Variants in UNC93A observed in about 807,000 individuals in gnomAD.
UNC93A encodes the protein N-acetylglucosamine transporter UNC93A.
A neutral mutation model predicts 47.5 loss-of-function variants in UNC93A; 43 were observed. The ratio of observed to expected loss-of-function variants is 0.91; its 90% CI spans 0.71 to 1.17. The LOEUF (loss-of-function observed/expected upper bound fraction) is 1.17, where lower values mean the gene tolerates loss of function less well. Among genes scored for constraint, UNC93A ranks in the 50% most tolerant of loss-of-function variants. The pLI is 0.00. For synonymous variants in UNC93A, 280 were observed against 258.0 expected (o/e 1.09, Z -0.82); for missense variants, 605 against 577.6 (o/e 1.05, Z -0.49).
intron 1 of UNC93A, among the ~76,000 whole-genome samples, chr6:167,283,938 A>T (rs206988): frequency 6.6e-6 from 1 of 152,084 alleles, no homozygotes; most frequent in African/African-American, 2.4e-5. Context: ...CTTTCATAGC[A>T]TCAGGATCTC....
chr6:167,315,076 A>C, intron 7 of UNC93A, 111 bp from the exon 8 acceptor site: 2 of 1,470,446 alleles, frequency 1.4e-6, no homozygotes, highest in Non-Finnish European at 1.8e-6. Flanking sequence ...AAAAAGAAAA[A>C]TGTCTTGATT....
intron 4 of UNC93A, among the ~76,000 whole-genome samples, chr6:167,301,844 C>A (rs1035175282): frequency 1.3e-5 from 2 of 152,124 alleles, no homozygotes; most frequent in Non-Finnish European, 2.9e-5. Flanking sequence ...CTCAGGGGGT[C>A]GGCTTGGAAG....
At chr6:167,301,528 T>C (rs1778239990) in intron 4 of UNC93A, among the ~76,000 whole-genome samples, 1 of 152,220 alleles carries the variant, frequency 6.6e-6, no homozygotes, top group Non-Finnish European at 1.5e-5. Context: ...GTCAAGTTTC[T>C]TGCAAAGAGC....
At chr6:167,301,755 G>A (rs1453142910) in intron 4 of UNC93A, among the ~76,000 whole-genome samples, 1 of 152,180 alleles carries the variant, frequency 6.6e-6, no homozygotes, top group African/African-American at 2.4e-5. Flanking sequence ...TGGCCCACAA[G>A]ACGAGATTGT....
intron 4 of UNC93A, among the ~76,000 whole-genome samples, chr6:167,299,672 G>A (rs929986864): frequency 2.0e-5 from 3 of 152,212 alleles, no homozygotes; most frequent in Non-Finnish European, 4.4e-5. Flanking sequence ...CCTGGAGCAC[G>A]GAGTTTCAGG....
intron 1 of UNC93A, among the ~76,000 whole-genome samples, chr6:167,293,517 A>G (rs1777951329): frequency 6.6e-6 from 1 of 152,146 alleles, no homozygotes; most frequent in Non-Finnish European, 1.5e-5. Flanking sequence ...GTGTTCAGAT[A>G]GAAGTGACTC....
At chr6:167,275,133 G>A (rs918110899) in intron 1 of UNC93A, among the ~76,000 whole-genome samples, 1 of 152,158 alleles carries the variant, frequency 6.6e-6, no homozygotes, top group African/African-American at 2.4e-5. Flanking sequence ...GCAGTTGCAT[G>A]CAGGAGACTT....
At chr6:167,285,393 C>T (rs1783709059) in intron 1 of UNC93A, among the ~76,000 whole-genome samples, 1 of 151,860 alleles carries the variant, frequency 6.6e-6, no homozygotes, top group Admixed American at 6.6e-5. Context: ...TTCTTTACAG[C>T]TCATCATAAA....
At chr6:167,309,698 C>A (rs1736588) in intron 7 of UNC93A, among the ~76,000 whole-genome samples, 31 of 151,984 alleles carry the variant, frequency 2.0e-4, no homozygotes, top group African/African-American at 7.5e-4. Flanking sequence ...CCTCAGATCG[C>A]GGACAGAACA....
At chr6:167,296,873 G>A (rs539568662) in intron 3 of UNC93A, among the ~76,000 whole-genome samples, 6 of 152,254 alleles carry the variant, frequency 3.9e-5, no homozygotes, top group South Asian at 4.1e-4. Context: ...CTTTCCCAAC[G>A]GGGTAAAAAC....
At chr6:167,291,617 C>G in intron 1 of UNC93A, 41 bp downstream of exon 1, 3 of 1,531,502 alleles carry the variant, frequency 2.0e-6, no homozygotes, top group African/African-American at 1.4e-5. Flanking sequence ...ACTTCTTGGC[C>G]TCCAAGAATC....
At chr6:167,283,328 A>G (rs1243368892) in intron 1 of UNC93A, among the ~76,000 whole-genome samples, 1 of 152,160 alleles carries the variant, frequency 6.6e-6, no homozygotes, top group Non-Finnish European at 1.5e-5. Context: ...GTCATGCTTA[A>G]GATCTCTGTT....
chr6:167,298,194 A>C (rs1778144922), intron 4 of UNC93A, 124 bp downstream of exon 4: 1 of 1,419,056 alleles, frequency 7.0e-7, no homozygotes, highest in African/African-American at 1.4e-5. Flanking sequence ...ATATCCTTGC[A>C]AAATGTATTG....
chr6:167,314,406 G>C (rs989336430), intron 7 of UNC93A, among the ~76,000 whole-genome samples: 1 of 152,090 alleles, frequency 6.6e-6, no homozygotes, highest in Admixed American at 6.6e-5. Flanking sequence ...TGCCTCACCG[G>C]GGCTCAGGCT....
intron 1 of UNC93A, among the ~76,000 whole-genome samples, chr6:167,293,482 T>C (rs1447694973): frequency 3.3e-5 from 5 of 152,142 alleles, no homozygotes; most frequent in Non-Finnish European, 5.9e-5. Context: ...TCTCTGCTAC[T>C]CAGGACTGGC....
rs1554241413 is a variant in UNC93A, at chr6:167,305,102, T to TCTGTCCCCACC, written c.841-812_841-811insTGTCCCCACCC. Among the ~76,000 whole-genome samples, 4 of 151,488 alleles carry TCTGTCCCCACC rather than the reference T, an allele frequency of 2.6e-5. No homozygotes were observed. In the East Asian group the frequency reaches 7.8e-4, roughly 29 times the overall value. The stretch of plus-strand genomic sequence containing the variant: ...CTCCTTCCGGAGGAAACTTCTCTGC[T>TCTGTCCCCACC]CCAGATCCCTCCCAGGCAAGGCTGC... On this transcript the variant is annotated intron_variant, in intron 5 of 7. Coordinates refer to ENST00000230256, the MANE Select transcript of UNC93A (RefSeq NM_018974.4).
intron 1 of UNC93A, among the ~76,000 whole-genome samples, chr6:167,281,778 C>T (rs1262895404): frequency 1.3e-5 from 2 of 152,166 alleles, no homozygotes. Context: ...TGTTCAGAAG[C>T]TGGCCCAGCC....
chr6:167,284,548 A>G (rs1295615594), intron 1 of UNC93A, among the ~76,000 whole-genome samples: 1 of 152,300 alleles, frequency 6.6e-6, no homozygotes, highest in Non-Finnish European at 1.5e-5. Flanking sequence ...AGCCCTGTTC[A>G]TTAGGTTTAT....
intron 7 of UNC93A, among the ~76,000 whole-genome samples, chr6:167,309,628 T>G (rs1443029273): frequency 6.6e-6 from 1 of 152,102 alleles, no homozygotes; most frequent in Non-Finnish European, 1.5e-5. Flanking sequence ...TACAGGCCAA[T>G]GTTTCTGAGA....
Sources: allele counts gnomAD v4.1 joint callset (sites outside exome capture counted in the v4.1 genomes callset), GRCh38; gene constraint gnomAD v4.1.1; transcripts MANE v1.5; gene names NCBI Gene and HGNC (gene_info 2026-07-23, HGNC 2026-07-21).